MFSD2B: variants seen among roughly 807,000 people sequenced by gnomAD.
MFSD2B encodes the protein MFSD2 lysolipid transporter B, sphingolipid.
MFSD2B carries 56 observed loss-of-function variants against 58.4 expected under a neutral mutation model. The observed-to-expected ratio is 0.96, with a 90% CI of 0.77 to 1.20. The LOEUF (loss-of-function observed/expected upper bound fraction) is 1.20, where lower values mean the gene tolerates loss of function less well. Among genes scored for constraint, MFSD2B ranks in the 50% most tolerant of loss-of-function variants. The probability of loss-of-function intolerance (pLI) is 0.00; values close to 1 mark genes in which losing one functional copy is unlikely to be tolerated. For synonymous variants in MFSD2B, 287 were observed against 294.4 expected (o/e 0.97, Z 0.26); for missense variants, 645 against 667.6 (o/e 0.97, Z 0.37).
Position 24,022,640 on chromosome 2 carries a change from T to C in MFSD2B, c.978+124T>C, listed in dbSNP as rs1436409950. 1.1e-5 allele frequency: 10 copies of C among 922,316 alleles called. No individual in the cohort carries two copies. Among genetic ancestry groups the C allele is most frequent in the Non-Finnish European group, 1.5e-5 (9 of 610,692 alleles). 57.1% of individuals were successfully genotyped at this position (922,316 alleles called of 1,614,324 possible). A position where few individuals can be genotyped will look rare whatever the true frequency, so the allele number is the denominator to read the frequency against. ...GTCAACATTTTGGACTTTGCTTTGG[T>C]CTTGGTCACCTGCATTCCAGCAGAG... On this transcript the variant is annotated intron_variant, in intron 9 of 13. Transcript: ENST00000338315. This position sits in a 1 kb window ranked among gnomAD's most constrained non-coding sequence, Gnocchi z 4.5.
At chr2:24,011,762 G>A (rs1339146407) in intron 1 of MFSD2B, among the ~76,000 whole-genome samples, 1 of 152,236 alleles carries the variant, frequency 6.6e-6, no homozygotes. Context: ...TGGAGTTCAT[G>A]CTCTCAGAGA....
rs373817546 is a variant in MFSD2B, at chr2:24,023,774, C to G, written c.1313+48C>G. ...AGCAGAGGCACCAAGGACCAGTGGG[C>G]AGGAAGAGGGCAAAGCCCCTCACCT... On this transcript the variant is annotated intron_variant, in intron 12 of 13. Coordinates refer to ENST00000338315, the MANE Select transcript of MFSD2B (RefSeq NM_001346880.2). The surrounding 1 kb of genome is among the most constrained non-coding windows in gnomAD (Gnocchi z 5.0). The G allele has an allele frequency of 3.8e-6, 6 of 1,599,610 alleles. No individual in the cohort carries two copies. In the African/African-American group the frequency reaches 5.4e-5, roughly 14 times the overall value.
chr2:24,016,844 G>T lies in MFSD2B; in HGVS notation c.348-1G>T. On this transcript the variant is annotated splice_acceptor_variant, in intron 3 of 13. Transcript: ENST00000338315. LOFTEE classifies it high-confidence loss of function. ...GCTCCACCTCGGCTGTGCTTCCGCA[G>T]GGTGCTGGGCTGCACCCCCTTCATC... The T allele has an allele frequency of 2.5e-6, 4 of 1,613,128 alleles. No homozygotes were observed. The highest frequency in any genetic ancestry group is 3.4e-6 in the Non-Finnish European group (4 of 1,179,776).
intron 2 of MFSD2B, 128 bp downstream of exon 2, chr2:24,013,538 C>A (rs1573631955): frequency 9.5e-7 from 1 of 1,051,610 alleles, no homozygotes; most frequent in Non-Finnish European, 1.3e-6. Context: ...AACAAAAAGC[C>A]AGAAGCCAAT....
chr2:24,023,450 G>T lies in MFSD2B; in HGVS notation c.1170-133G>T. 1.8e-6 allele frequency: 2 copies of T among 1,139,732 alleles called. No individual in the cohort carries two copies. Among genetic ancestry groups the T allele is most frequent in the Admixed American group, 2.3e-5 (1 of 43,550 alleles). The allele number at this position is 1,139,732 out of a possible 1,614,324, so 70.6% of individuals were successfully genotyped here. On this transcript the variant is annotated intron_variant, in intron 11 of 13. Coordinates refer to ENST00000338315, the MANE Select transcript of MFSD2B (RefSeq NM_001346880.2). This position sits in a 1 kb window ranked among gnomAD's most constrained non-coding sequence, Gnocchi z 5.0. ...GGGGGTACGAGCACACAGGCCATCT[G>T]CTTCTCTGGTGGCCAGTCTGGTCCT...
At position 24,024,388 on chromosome 2, in the gene MFSD2B, T is replaced by C; in HGVS notation, c.1490+117T>C. 9.3e-7 allele frequency: 1 copy of C among 1,076,880 alleles called. No homozygotes were observed. Among genetic ancestry groups the C allele is most frequent in the East Asian group, 2.6e-5 (1 of 38,544 alleles). 66.7% of individuals were successfully genotyped at this position (1,076,880 alleles called of 1,614,324 possible). A position where few individuals can be genotyped will look rare whatever the true frequency, so the allele number is the denominator to read the frequency against. Reference sequence around the variant, plus strand: ...CACACAGTCCTGCCTCTGGGACCTCTTTCCTTAGCTCAGGGTCACCCTTTT... The same window carrying C: ...CACACAGTCCTGCCTCTGGGACCTCCTTCCTTAGCTCAGGGTCACCCTTTT... On this transcript the variant is annotated intron_variant, in intron 13 of 13. Coordinates refer to ENST00000338315, the MANE Select transcript of MFSD2B (RefSeq NM_001346880.2). The surrounding 1 kb of genome is among the most constrained non-coding windows in gnomAD (Gnocchi z 4.3).
At chr2:24,015,617 G>T (rs928720934) in intron 2 of MFSD2B, among the ~76,000 whole-genome samples, 1 of 152,202 alleles carries the variant, frequency 6.6e-6, no homozygotes, top group Admixed American at 6.5e-5. Flanking sequence ...GGGATGCTGC[G>T]ATTTCAGATG....
chr2:24,011,216 T>A (rs1708945168), intron 1 of MFSD2B, among the ~76,000 whole-genome samples: 1 of 152,232 alleles, frequency 6.6e-6, no homozygotes, highest in Non-Finnish European at 1.5e-5. Context: ...CGGGCTTTTA[T>A]GACTTTCGGT....
chr2:24,018,892 C>G (rs978202020), intron 6 of MFSD2B, among the ~76,000 whole-genome samples: 2 of 146,096 alleles, frequency 1.4e-5, no homozygotes, highest in African/African-American at 5.0e-5. Flanking sequence ...GATCTGTTGC[C>G]CAGGCTGGAG....
Position 24,022,957 on chromosome 2 carries a change from G to T in MFSD2B, c.1059+55G>T. The T allele has an allele frequency of 6.6e-7, 1 of 1,521,214 alleles. No homozygotes were observed. 94.2% of individuals were successfully genotyped at this position (1,521,214 alleles called of 1,614,324 possible). On this transcript the variant is annotated intron_variant, in intron 10 of 13. Coordinates refer to ENST00000338315, the MANE Select transcript of MFSD2B (RefSeq NM_001346880.2). This position sits in a 1 kb window ranked among gnomAD's most constrained non-coding sequence, Gnocchi z 4.5. ...GTGGCCGGAGGGGAGAGGTGAGCGA[G>T]GTGACCTTGGTGCCTGAGCCTCCTG...
rs965734567 is a variant in MFSD2B, at chr2:24,012,688, A to C, written c.97-597A>C. On this transcript the variant is annotated intron_variant, in intron 1 of 13. Transcript: ENST00000338315. This position sits in a 1 kb window ranked among gnomAD's most constrained non-coding sequence, Gnocchi z 4.5. Reference sequence around the variant, plus strand: ...CCTAAGTTTGTGGCCTGAGCCACTGAGGGGACCAGCGGTGCCATTTGCTAG... The same window carrying C: ...CCTAAGTTTGTGGCCTGAGCCACTGCGGGGACCAGCGGTGCCATTTGCTAG... Among the ~76,000 whole-genome samples, 10 of 152,208 alleles carry C rather than the reference A, an allele frequency of 6.6e-5. No homozygotes were observed. Among genetic ancestry groups the C allele is most frequent in the Admixed American group, 1.3e-4 (2 of 15,278 alleles).
intron 2 of MFSD2B, 127 bp downstream of exon 2, chr2:24,013,537 C>A: frequency 9.5e-7 from 1 of 1,056,574 alleles, no homozygotes; most frequent in Non-Finnish European, 1.3e-6. Flanking sequence ...CAACAAAAAG[C>A]CAGAAGCCAA....
Position 24,016,404 on chromosome 2 carries a change from C to T in MFSD2B, c.347+124C>T, listed in dbSNP as rs566103894. ...GTTAGGAGACAAGACTGGATAATAT[C>T]GCAGGTGCACTGGGGACTGACTGTG... On this transcript the variant is annotated intron_variant, in intron 3 of 13. Transcript: ENST00000338315. The T allele has an allele frequency of 1.0e-5, 11 of 1,054,560 alleles. No individual in the cohort carries two copies. The Admixed American group carries it at 1.3e-4, about 13-fold the overall frequency. 65.3% of individuals were successfully genotyped at this position (1,054,560 alleles called of 1,614,324 possible). A position where few individuals can be genotyped will look rare whatever the true frequency, so the allele number is the denominator to read the frequency against.
At chr2:24,025,360 C>T (rs867332461) in intron 13 of MFSD2B, 72 bp from the exon 14 acceptor site, 44 of 1,419,930 alleles carry the variant, frequency 3.1e-5, no homozygotes, top group African/African-American at 2.1e-4. Flanking sequence ...AAACCTTCCG[C>T]GGGCTTCTGC....
chr2:24,019,980 A>G (rs1662707568), intron 6 of MFSD2B, among the ~76,000 whole-genome samples: 2 of 152,120 alleles, frequency 1.3e-5, no homozygotes, highest in African/African-American at 2.4e-5. Flanking sequence ...GCCTCTCTCC[A>G]ATGCCAATGC....
Position 24,023,361 on chromosome 2 carries a change from C to A in MFSD2B, c.1169+122C>A. On this transcript the variant is annotated intron_variant, in intron 11 of 13. Coordinates refer to ENST00000338315, the MANE Select transcript of MFSD2B (RefSeq NM_001346880.2). The surrounding 1 kb of genome is among the most constrained non-coding windows in gnomAD (Gnocchi z 5.0). ...GGAGATGGAGGCCACCAGCTCCATC[C>A]TCAGAGCCCTCCTGAGAGGACATCA... 1.0e-6 allele frequency: 1 copy of A among 966,652 alleles called. No individual in the cohort carries two copies. Among genetic ancestry groups the A allele is most frequent in the South Asian group, 1.4e-5 (1 of 69,600 alleles). The allele number at this position is 966,652 out of a possible 1,614,324, so 59.9% of individuals were successfully genotyped here.
chr2:24,018,951 G>A (rs1227150975), intron 6 of MFSD2B, among the ~76,000 whole-genome samples: 1 of 149,760 alleles, frequency 6.7e-6, no homozygotes, highest in Non-Finnish European at 1.5e-5. Context: ...CCCGGATTCA[G>A]GCCATTCTCC....
At chr2:24,014,381 T>C (rs181067101) in intron 2 of MFSD2B, among the ~76,000 whole-genome samples, 4 of 152,314 alleles carry the variant, frequency 2.6e-5, no homozygotes, top group Non-Finnish European at 5.9e-5. Flanking sequence ...CTCGAACTCC[T>C]GATCTCAGGT....
rs575442630 is a variant in MFSD2B at position 24,013,414 on chromosome 2, A to C, written c.222+4A>C. On this transcript the variant is annotated splice_donor_region_variant and intron_variant, in intron 2 of 13. Transcript: ENST00000338315. ...TTTCCTGCTTGATATAGCACAGGTA[A>C]GTGTGGGCAGTAGCCCAGTCTCTGC... 3 of 1,596,724 alleles carry C rather than the reference A, an allele frequency of 1.9e-6. No individual in the cohort carries two copies. The East Asian group carries it at 6.8e-5, about 36-fold the overall frequency.
Sources: gnomAD v4.1 joint callset for allele counts (sites outside exome capture counted in the v4.1 genomes callset) on GRCh38, gnomAD v4.1.1 for gene constraint, Gnocchi (gnomAD v3.1) non-coding constraint, MANE v1.5 for transcripts, NCBI Gene and HGNC (gene_info 2026-07-23, HGNC 2026-07-21) for gene names.